The following ATP6V0E1 variants were observed in gnomAD, a reference collection of about 807,000 sequenced individuals.
The protein encoded by ATP6V0E1 is V-type proton ATPase subunit e 1.
A neutral mutation model predicts 11.6 loss-of-function variants in ATP6V0E1; 4 were observed. That is an observed-to-expected ratio of 0.35 (90% CI 0.17 to 0.79). The LOEUF (loss-of-function observed/expected upper bound fraction) is 0.79, where lower values mean the gene tolerates loss of function less well. Among genes scored for constraint, ATP6V0E1 ranks in the 30% least tolerant of loss-of-function variants. The probability of loss-of-function intolerance (pLI) is 0.54; values close to 1 mark genes in which losing one functional copy is unlikely to be tolerated. For synonymous variants in ATP6V0E1, 36 were observed against 34.8 expected (o/e 1.04, Z -0.13); for missense variants, 105 against 100.0 (o/e 1.05, Z -0.21).
intron 2 of ATP6V0E1, among the ~76,000 whole-genome samples, chr5:173,018,914 T>C (rs1329637109): frequency 6.6e-6 from 1 of 152,052 alleles, no homozygotes; most frequent in Non-Finnish European, 1.5e-5. Context: ...TACAGAACTT[T>C]GTGAGCTATA....
At chr5:173,031,787 C>G (rs1301049112) in intron 3 of ATP6V0E1, among the ~76,000 whole-genome samples, 1 of 149,410 alleles carries the variant, frequency 6.7e-6, no homozygotes, top group Non-Finnish European at 1.5e-5. Flanking sequence ...CCACTGCACT[C>G]CATCCAGCCT....
intron 1 of ATP6V0E1, among the ~76,000 whole-genome samples, chr5:172,988,310 C>T (rs1755928681): frequency 6.6e-6 from 1 of 152,160 alleles, no homozygotes; most frequent in Non-Finnish European, 1.5e-5. Context: ...CCTTGCTTTT[C>T]CTGCTCTTGG....
chr5:173,016,763 A>G (rs1372498153), intron 2 of ATP6V0E1, among the ~76,000 whole-genome samples: 1 of 152,176 alleles, frequency 6.6e-6, no homozygotes. Flanking sequence ...AGAGCTTTTC[A>G]GTGTGTCCGC....
intron 2 of ATP6V0E1, among the ~76,000 whole-genome samples, chr5:173,010,821 A>G (rs1756309560): frequency 6.6e-6 from 1 of 152,192 alleles, no homozygotes; most frequent in South Asian, 2.1e-4. Flanking sequence ...GTCACCGGGA[A>G]GTAACCTGTG....
At chr5:173,001,599 C>T (rs1182228825) in intron 2 of ATP6V0E1, among the ~76,000 whole-genome samples, 5 of 152,172 alleles carry the variant, frequency 3.3e-5, no homozygotes, top group African/African-American at 1.2e-4. Flanking sequence ...GGTTTCCAAC[C>T]AAGTAACCAC....
chr5:173,014,603 G>A (rs1340334928), intron 2 of ATP6V0E1, among the ~76,000 whole-genome samples: 1 of 152,166 alleles, frequency 6.6e-6, no homozygotes, highest in African/African-American at 2.4e-5. Context: ...ATTATCTTAA[G>A]TGAAATAAGC....
At chr5:173,016,459 G>A (rs1243972987) in intron 2 of ATP6V0E1, among the ~76,000 whole-genome samples, 1 of 152,210 alleles carries the variant, frequency 6.6e-6, no homozygotes, top group Non-Finnish European at 1.5e-5. Context: ...AGTTCCCTGA[G>A]TGATTATAAT....
intron 1 of ATP6V0E1, among the ~76,000 whole-genome samples, chr5:172,993,704 C>CA (rs1756020872): frequency 7.1e-6 from 1 of 141,272 alleles, no homozygotes; most frequent in African/African-American, 2.6e-5. Flanking sequence ...CCCACCTCTC[C>CA]AAAAAAAATT....
At chr5:173,033,926 A>G (rs1230513324) in intron 3 of ATP6V0E1, among the ~76,000 whole-genome samples, 2 of 152,148 alleles carry the variant, frequency 1.3e-5, no homozygotes, top group Admixed American at 1.3e-4. Flanking sequence ...GTCATTTGTC[A>G]CCTACACTCG....
chr5:173,015,971 C>G (rs763143128), intron 2 of ATP6V0E1, among the ~76,000 whole-genome samples: 2 of 152,224 alleles, frequency 1.3e-5, no homozygotes, highest in Admixed American at 6.5e-5. Context: ...AGTGATCCAC[C>G]CGCCTTGGCC....
At position 173,020,289 on chromosome 5, in the gene ATP6V0E1, G is replaced by A. The variant is rs752028112; in HGVS notation, c.204G>A (p.Leu68=). 6.2e-7 allele frequency: 1 copy of A among 1,613,962 alleles called. No individual in the cohort carries two copies. The highest frequency in any genetic ancestry group is 8.5e-7 in the Non-Finnish European group (1 of 1,179,894). The part of the protein sequence containing the change: ...AQLNPLFGPQ[L]KNETIWYLKY... ...TCAACCCTCTCTTTGGACCGCAATT[G>A]AAAAATGAAACCATCTGGTATCTGA... Residue 68 remains leucine (L), a synonymous_variant, in exon 3 of 4, where the codon TTG becomes TTA. Coordinates refer to ENST00000519374, the MANE Select transcript of ATP6V0E1 (RefSeq NM_003945.4).
At chr5:172,996,036 G>A (rs891638554) in intron 2 of ATP6V0E1, among the ~76,000 whole-genome samples, 1 of 152,166 alleles carries the variant, frequency 6.6e-6, no homozygotes, top group African/African-American at 2.4e-5. Context: ...TAGTGCCCAT[G>A]TAAGGTAGGA....
intron 3 of ATP6V0E1, among the ~76,000 whole-genome samples, chr5:173,027,806 CT>C (rs1756586508): frequency 6.6e-6 from 1 of 152,026 alleles, no homozygotes; most frequent in Admixed American, 6.6e-5. Context: ...GTTTTCTACT[CT>C]TTATTTCAAC....
intron 2 of ATP6V0E1, among the ~76,000 whole-genome samples, chr5:173,002,094 C>T (rs1423973829): frequency 6.6e-6 from 1 of 152,150 alleles, no homozygotes; most frequent in African/African-American, 2.4e-5. Flanking sequence ...CATGGCCAAT[C>T]GTGTTTTATC....
At chr5:172,984,975 C>G (rs1417916464) in intron 1 of ATP6V0E1, among the ~76,000 whole-genome samples, 5 of 152,090 alleles carry the variant, frequency 3.3e-5, no homozygotes, top group African/African-American at 7.2e-5. Flanking sequence ...GGCCAGGTGC[C>G]GTGGCTCACG....
intron 2 of ATP6V0E1, among the ~76,000 whole-genome samples, chr5:173,014,851 C>T (rs1756379408): frequency 6.6e-6 from 1 of 152,230 alleles, no homozygotes; most frequent in African/African-American, 2.4e-5. Flanking sequence ...GGTGACTATA[C>T]TCAGCAACAG....
intron 1 of ATP6V0E1, among the ~76,000 whole-genome samples, chr5:172,992,264 G>A (rs549345411): frequency 2.0e-5 from 3 of 152,262 alleles, no homozygotes; most frequent in Non-Finnish European, 2.9e-5. Flanking sequence ...TGTTAGCCAG[G>A]ATGGTCTCGA....
intron 2 of ATP6V0E1, among the ~76,000 whole-genome samples, chr5:173,017,653 C>T (rs150503471): frequency 2.0e-4 from 31 of 151,890 alleles, no homozygotes; most frequent in South Asian, 4.2e-4. Context: ...CCAGCCTGGC[C>T]AACATAGTGA....
At chr5:173,028,753 C>G (rs1756599067) in intron 3 of ATP6V0E1, among the ~76,000 whole-genome samples, 1 of 152,224 alleles carries the variant, frequency 6.6e-6, no homozygotes, top group African/African-American at 2.4e-5. Context: ...CTCCTAAGAG[C>G]AGTGCTCACT....
Sources: gnomAD v4.1 joint callset for allele counts (sites outside exome capture counted in the v4.1 genomes callset) on GRCh38, gnomAD v4.1.1 for gene constraint, MANE v1.5 for transcripts, NCBI Gene and HGNC (gene_info 2026-07-23, HGNC 2026-07-21) for gene names.